Variants in CYYR1 observed in about 807,000 individuals in gnomAD.
CYYR1 encodes the protein cysteine and tyrosine rich 1.
In CYYR1, 14 loss-of-function variants were observed where a neutral mutation model predicts 15.2. That is an observed-to-expected ratio of 0.92 (90% CI 0.61 to 1.44). The LOEUF is 1.44. CYYR1 is among the 40% of genes most tolerant of loss of function. The probability of loss-of-function intolerance (pLI) is 0.00; values close to 1 mark genes in which losing one functional copy is unlikely to be tolerated. For missense variants in CYYR1, 228 were observed against 209.5 expected, an observed-to-expected ratio of 1.09 and a Z score of -0.54; for synonymous variants, 80 against 77.4, an observed-to-expected ratio of 1.03 and a Z score of -0.18.
chr21:26,550,073 G>T (rs1979273148), intron 2 of CYYR1, among the ~76,000 whole-genome samples: 1 of 152,078 alleles, frequency 6.6e-6, no homozygotes, highest in South Asian at 2.1e-4. Flanking sequence ...TTGTGTTTCT[G>T]TGTCACATTT....
intron 2 of CYYR1, among the ~76,000 whole-genome samples, chr21:26,521,970 ACT>A (rs1184309087): frequency 6.6e-6 from 1 of 152,150 alleles, no homozygotes; most frequent in Non-Finnish European, 1.5e-5. Context: ...TGAAAAGTTG[ACT>A]CTGTCATCAC....
intron 2 of CYYR1, among the ~76,000 whole-genome samples, chr21:26,490,621 A>T (rs1228729740): frequency 6.6e-6 from 1 of 152,234 alleles, no homozygotes; most frequent in Non-Finnish European, 1.5e-5. Flanking sequence ...TTTTTGAATC[A>T]GAGAGTACTT....
At chr21:26,534,584 C>T (rs904919516) in intron 2 of CYYR1, among the ~76,000 whole-genome samples, 1 of 152,072 alleles carries the variant, frequency 6.6e-6, no homozygotes, top group East Asian at 1.9e-4. Flanking sequence ...CTTTGGCTCG[C>T]TCTCAGTATC....
At chr21:26,519,846 C>A (rs995942583) in intron 2 of CYYR1, among the ~76,000 whole-genome samples, 5 of 151,896 alleles carry the variant, frequency 3.3e-5, no homozygotes, top group Non-Finnish European at 5.9e-5. Flanking sequence ...GATCTAGAAC[C>A]AAGGATCATT....
chr21:26,515,787 A>G (rs1322614114), intron 2 of CYYR1, among the ~76,000 whole-genome samples: 5 of 152,204 alleles, frequency 3.3e-5, no homozygotes, highest in Non-Finnish European at 7.3e-5. Flanking sequence ...ACTGTCATTC[A>G]CACAAAAGAC....
chr21:26,513,145 T>C (rs112100180), intron 2 of CYYR1, among the ~76,000 whole-genome samples: 10 of 152,360 alleles, frequency 6.6e-5, no homozygotes, highest in African/African-American at 1.4e-4. Context: ...GCTTTCACCA[T>C]GGCAGTTCAA....
intron 3 of CYYR1, among the ~76,000 whole-genome samples, chr21:26,470,201 G>A (rs1335317707): frequency 1.3e-5 from 2 of 152,002 alleles, no homozygotes; most frequent in Admixed American, 6.6e-5. Flanking sequence ...AAAAGTAATT[G>A]CAGTTTTTGC....
chr21:26,532,382 A>G (rs2065942892), intron 2 of CYYR1, among the ~76,000 whole-genome samples: 1 of 152,156 alleles, frequency 6.6e-6, no homozygotes, highest in South Asian at 2.1e-4. Flanking sequence ...AGTCAGTGAG[A>G]GGCTTCTAAG....
chr21:26,552,636 A>G (rs1979479284), intron 2 of CYYR1, among the ~76,000 whole-genome samples: 1 of 151,876 alleles, frequency 6.6e-6, no homozygotes, highest in Non-Finnish European at 1.5e-5. Flanking sequence ...TGACTATATT[A>G]CTCTGTAGTT....
intron 2 of CYYR1, among the ~76,000 whole-genome samples, chr21:26,486,373 C>T (rs186961590): frequency 7.2e-4 from 109 of 152,102 alleles, no homozygotes; most frequent in African/African-American, 2.6e-3. Flanking sequence ...TCCTATGCTT[C>T]TTTCTAAAAG....
At chr21:26,563,396 A>G (rs1264306225) in intron 2 of CYYR1, among the ~76,000 whole-genome samples, 1 of 152,084 alleles carries the variant, frequency 6.6e-6, no homozygotes, top group African/African-American at 2.4e-5. Flanking sequence ...ACATGGTGAA[A>G]ACCACTCTCT....
At chr21:26,524,194 G>A (rs2065835927) in intron 2 of CYYR1, among the ~76,000 whole-genome samples, 1 of 152,112 alleles carries the variant, frequency 6.6e-6, no homozygotes, top group Non-Finnish European at 1.5e-5. Context: ...AACCATGTAG[G>A]TATATGTATT....
intron 2 of CYYR1, among the ~76,000 whole-genome samples, chr21:26,513,800 A>G (rs2065683301): frequency 6.6e-6 from 1 of 151,886 alleles, no homozygotes; most frequent in African/African-American, 2.4e-5. Flanking sequence ...CATGCTCAGC[A>G]AACTATTGCA....
At chr21:26,570,718 T>G (rs571597011) in intron 1 of CYYR1, among the ~76,000 whole-genome samples, 2 of 152,250 alleles carry the variant, frequency 1.3e-5, no homozygotes, top group African/African-American at 2.4e-5. Flanking sequence ...GGCAATTCAT[T>G]TAATAGTATG....
At chr21:26,499,636 T>G (rs1433768534) in intron 2 of CYYR1, among the ~76,000 whole-genome samples, 2 of 152,142 alleles carry the variant, frequency 1.3e-5, no homozygotes, top group East Asian at 1.9e-4. Flanking sequence ...CCTAACAATA[T>G]CTGTGAGTGA....
intron 2 of CYYR1, among the ~76,000 whole-genome samples, chr21:26,497,991 G>T (rs2065430243): frequency 6.6e-6 from 1 of 152,086 alleles, no homozygotes. Flanking sequence ...TTTTTATTTG[G>T]TTTGAAATTT....
At chr21:26,485,615 G>A (rs115292436) in intron 2 of CYYR1, among the ~76,000 whole-genome samples, 3,141 of 151,984 alleles carry the variant, frequency 0.021, 101 homozygotes, top group African/African-American at 0.071. Context: ...TTCCCTCAGC[G>A]TAATGCCTTT....
At chr21:26,554,997 G>C (rs947593206) in intron 2 of CYYR1, among the ~76,000 whole-genome samples, 12 of 152,048 alleles carry the variant, frequency 7.9e-5, no homozygotes, top group African/African-American at 2.7e-4. Flanking sequence ...TATATGTCAG[G>C]GGGGCAAGTT....
chr21:26,495,667 G>A (rs1030876341), intron 2 of CYYR1, among the ~76,000 whole-genome samples: 1 of 152,190 alleles, frequency 6.6e-6, no homozygotes, highest in African/African-American at 2.4e-5. Flanking sequence ...TCACACAGCC[G>A]TGACTTGAGA....
Sources: allele counts gnomAD v4.1 joint callset (sites outside exome capture counted in the v4.1 genomes callset), GRCh38; gene constraint gnomAD v4.1.1; transcripts MANE v1.5; gene names NCBI Gene and HGNC (gene_info 2026-07-23, HGNC 2026-07-21).